The following PSME4 variants were observed in gnomAD, a reference collection of about 807,000 sequenced individuals.
PSME4 encodes proteasome activator complex subunit 4.
PSME4 carries 89 observed loss-of-function variants against 253.9 expected under a neutral mutation model. The observed-to-expected ratio is 0.35, with a 90% CI of 0.30 to 0.42. The LOEUF is 0.42. Ranked by LOEUF, PSME4 falls within the 10% of genes least tolerant of loss-of-function variation. The probability of loss-of-function intolerance (pLI) is 1.00; values close to 1 mark genes in which losing one functional copy is unlikely to be tolerated. For missense variants in PSME4, 2,014 were observed against 2,195.2 expected (o/e 0.92, Z 1.65); for synonymous variants, 851 against 759.2 (o/e 1.12, Z -1.99).
At chr2:53,889,083 TCCAACTCCTGGCC>T (rs1405920410) in intron 37 of PSME4, among the ~76,000 whole-genome samples, 1 of 152,164 alleles carries the variant, frequency 6.6e-6, no homozygotes, top group Non-Finnish European at 1.5e-5. Flanking sequence ...CAGGCTGGTC[TCCAACTCCTGGCC>T]CCAAGCTATC....
chr2:53,965,545 G>C (rs1027240144), intron 1 of PSME4, among the ~76,000 whole-genome samples: 7 of 138,924 alleles, frequency 5.0e-5, no homozygotes, highest in African/African-American at 1.8e-4. Flanking sequence ...GCAGTATGTT[G>C]TGGAGCCCTG....
intron 41 of PSME4, among the ~76,000 whole-genome samples, chr2:53,883,581 A>T (rs575790375): frequency 6.6e-6 from 1 of 152,328 alleles, no homozygotes; most frequent in East Asian, 1.9e-4. Flanking sequence ...AAAGAAAGGT[A>T]ATGTGGGTTT....
In PSME4 at chr2:53,925,648, CTT is replaced by C; in HGVS notation, c.1698_1699del (p.Glu568ArgfsTer5). On this transcript the variant is annotated frameshift_variant, in exon 14 of 47. Transcript: ENST00000404125. LOFTEE classifies it high-confidence loss of function. ...CATTTTCTCAGTTTCTGTCTCTTCT[CTT>C]GTTTGCTCCAATGTGCTACTTTCTA... 1 of 1,611,104 alleles carries C rather than the reference CTT, an allele frequency of 6.2e-7. No homozygotes were observed. The highest frequency in any genetic ancestry group is 8.5e-7 in the Non-Finnish European group (1 of 1,177,460).
intron 1 of PSME4, among the ~76,000 whole-genome samples, chr2:53,963,353 A>G (rs1176439093): frequency 3.3e-5 from 5 of 152,040 alleles, no homozygotes; most frequent in African/African-American, 1.2e-4. Context: ...CACAAAAAAG[A>G]AAGAGCGCAC....
chr2:53,937,555 A>G lies in PSME4; in HGVS notation c.546-15T>C, dbSNP rs1669180112. On this transcript the variant is annotated splice_polypyrimidine_tract_variant and intron_variant, in intron 4 of 46. Transcript: ENST00000404125. ...CTGGAAAATATCTAATAAAAAAAGA[A>G]GGTTTTCATGTATCTGATTATTGGC... is the stretch of plus-strand genomic sequence containing the variant. 1 of 1,607,130 alleles carries G rather than the reference A, an allele frequency of 6.2e-7. No individual in the cohort carries two copies. Among genetic ancestry groups the G allele is most frequent in the African/African-American group, 1.3e-5 (1 of 74,264 alleles).
At chr2:53,922,170 GA>G (rs1351673625) in intron 17 of PSME4, among the ~76,000 whole-genome samples, 1 of 150,230 alleles carries the variant, frequency 6.7e-6, no homozygotes, top group Non-Finnish European at 1.5e-5. Context: ...ACAAAAAGAA[GA>G]AAAAAGAAAA....
chr2:53,962,540 C>G (rs1392003400), intron 1 of PSME4, among the ~76,000 whole-genome samples: 3 of 152,166 alleles, frequency 2.0e-5, no homozygotes, highest in African/African-American at 7.2e-5. Flanking sequence ...GAACATCAAA[C>G]GGTACATTTC....
At chr2:53,893,826 T>G (rs1189131216) in intron 34 of PSME4, 27 bp from the exon 35 acceptor site, 3 of 1,560,952 alleles carry the variant, frequency 1.9e-6, no homozygotes, top group South Asian at 1.2e-5. Flanking sequence ...AGAACAATAT[T>G]CAGCGTTTAA....
Position 53,876,752 on chromosome 2 carries a change from G to A in PSME4, c.4816-997C>T, listed in dbSNP as rs553124096. 1.8e-3 allele frequency among the ~76,000 whole-genome samples: 205 copies of A among 111,124 alleles called. 1 individual carries two copies. Among genetic ancestry groups the A allele is most frequent in the African/African-American group, 7.0e-3 (186 of 26,612 alleles). The allele number at this position is 111,124 out of a possible 152,430, so 72.9% of individuals were successfully genotyped here. On this transcript the variant is annotated intron_variant, in intron 41 of 46. Transcript: ENST00000404125. The stretch of plus-strand genomic sequence containing the variant: ...TTTTTTTTTTGAGACAGGGTCTTGC[G>A]CTGTAGCCCAGGCTGGAGTGTAGTG...
chr2:53,923,913 CAAA>C (rs199929436), intron 14 of PSME4, among the ~76,000 whole-genome samples: 25 of 96,866 alleles, frequency 2.6e-4, no homozygotes, highest in African/African-American at 1.1e-3. Flanking sequence ...ACAGAGTTAA[CAAA>C]AAAAAAAAAA....
chr2:53,932,894 T>C, intron 8 of PSME4, 134 bp from the exon 9 acceptor site: 1 of 630,268 alleles, frequency 1.6e-6, no homozygotes, highest in Non-Finnish European at 2.8e-6. Context: ...ATTCTACCTT[T>C]AAATAAGAGT....
intron 26 of PSME4, among the ~76,000 whole-genome samples, chr2:53,905,544 T>C (rs961625814): frequency 2.0e-5 from 3 of 151,900 alleles, no homozygotes; most frequent in African/African-American, 7.3e-5. Flanking sequence ...CTATTAAAAA[T>C]GAAAAAAATT....
chr2:53,873,372 T>A (rs903048979), intron 43 of PSME4, among the ~76,000 whole-genome samples: 2 of 152,182 alleles, frequency 1.3e-5, no homozygotes, highest in African/African-American at 4.8e-5. Flanking sequence ...CATTCCTACT[T>A]TCCTGTGAGT....
At chr2:53,927,992 A>C in intron 11 of PSME4, 125 bp downstream of exon 11, 2 of 652,188 alleles carry the variant, frequency 3.1e-6, no homozygotes, top group South Asian at 6.2e-5. Context: ...TAATAATTAA[A>C]TTATACAACA....
chr2:53,947,704 T>TCAAAACAAAA (rs72500278), intron 3 of PSME4, among the ~76,000 whole-genome samples: 79,091 of 148,472 alleles, frequency 0.53, 21,191 homozygotes, highest in East Asian at 0.72. Context: ...AGACTCCATC[T>TCAAAACAAAA]CAAAACAAAA....
chr2:53,885,668 C>T, intron 41 of PSME4, 22 bp downstream of exon 41: 1 of 1,570,298 alleles, frequency 6.4e-7, no homozygotes, highest in Non-Finnish European at 8.8e-7. Context: ...GAGATGCATT[C>T]TTAATTTCAG....
At chr2:53,948,639 C>T (rs1383864663) in intron 2 of PSME4, 102 bp from the exon 3 acceptor site, 6 of 777,244 alleles carry the variant, frequency 7.7e-6, no homozygotes, top group East Asian at 2.5e-5. Flanking sequence ...CTGCTCATCA[C>T]CATGGGTTTT....
chr2:53,960,358 C>T (rs567713031), intron 1 of PSME4, among the ~76,000 whole-genome samples: 3 of 147,986 alleles, frequency 2.0e-5, no homozygotes, highest in Non-Finnish European at 3.0e-5. Context: ...AACATCAGGC[C>T]GCTGTACTCC....
At chr2:53,882,912 AAT>A (rs768717284) in intron 41 of PSME4, among the ~76,000 whole-genome samples, 27 of 151,886 alleles carry the variant, frequency 1.8e-4, no homozygotes, top group East Asian at 7.7e-4. Flanking sequence ...AAAAAAAATA[AAT>A]AAATAAGATA....
Sources: allele counts gnomAD v4.1 joint callset (sites outside exome capture counted in the v4.1 genomes callset), GRCh38; gene constraint gnomAD v4.1.1; transcripts MANE v1.5; gene names NCBI Gene and HGNC (gene_info 2026-07-23, HGNC 2026-07-21).